The following TXN2 variants were observed in gnomAD, a reference collection of about 807,000 sequenced individuals.
TXN2 encodes the protein thioredoxin, mitochondrial.
In TXN2, 12 loss-of-function variants were observed where a neutral mutation model predicts 14.6. The ratio of observed to expected loss-of-function variants is 0.82; its 90% CI spans 0.53 to 1.33. The LOEUF (loss-of-function observed/expected upper bound fraction) is 1.33, where lower values mean the gene tolerates loss of function less well. TXN2 is among the 40% of genes most tolerant of loss of function. The pLI is 0.00. For missense variants in TXN2, 173 were observed against 207.7 expected (o/e 0.83, Z 1.03); for synonymous variants, 89 against 81.0 (o/e 1.10, Z -0.53).
chr22:36,467,773 G>A lies in TXN2; in HGVS notation c.*31C>T, dbSNP rs534656599. On this transcript the variant is annotated 3_prime_UTR_variant, in exon 4 of 4. Transcript: ENST00000216185. Reference sequence around the variant, plus strand: ...GCTGAGTTCTATTGGGGTCCCACGCGGGCAAGGGAACCAGGACTCATCCCT... The same window carrying A: ...GCTGAGTTCTATTGGGGTCCCACGCAGGCAAGGGAACCAGGACTCATCCCT... 8.7e-5 allele frequency: 136 copies of A among 1,571,166 alleles called. 1 individual carries two copies. The highest frequency in any genetic ancestry group is 1.1e-4 in the Non-Finnish European group (121 of 1,142,290).
At chr22:36,468,535 G>A in intron 3 of TXN2, 1 of 335,038 alleles carries the variant, frequency 3.0e-6, no homozygotes, top group South Asian at 2.2e-5. Context: ...ACCAGCTTGG[G>A]CAATATAGTG....
intron 2 of TXN2, 94 bp from the exon 3 acceptor site, chr22:36,476,950 T>C (rs1933399438): frequency 1.9e-6 from 3 of 1,568,298 alleles, no homozygotes; most frequent in Non-Finnish European, 2.6e-6. Context: ...AAGGAATCTT[T>C]TGCCCTTATT....
chr22:36,469,053 AATAAATAAATAAATAAATAC>A (rs1387789354), intron 3 of TXN2, among the ~76,000 whole-genome samples: 2 of 144,578 alleles, frequency 1.4e-5, no homozygotes, highest in African/African-American at 5.7e-5. Flanking sequence ...TAAATAAATA[AATAAATAAATAAATAAATAC>A]ATAAATAAAG....
chr22:36,480,566 A>G lies in TXN2; in HGVS notation c.263+9T>C. The G allele has an allele frequency of 6.2e-7, 1 of 1,612,042 alleles. No individual in the cohort carries two copies. Among genetic ancestry groups the G allele is most frequent in the Middle Eastern group, 1.8e-4 (1 of 5,406 alleles). On this transcript the variant is annotated intron_variant, in intron 2 of 3. Coordinates refer to ENST00000216185, the MANE Select transcript of TXN2 (RefSeq NM_012473.4). The stretch of plus-strand genomic sequence containing the variant: ...GGACCCTAGTCTTCTGTGGACCCCC[A>G]ATACTCACTGTGCGTGGAAATCCAC...
chr22:36,479,624 G>A (rs371445149), intron 2 of TXN2, among the ~76,000 whole-genome samples: 53 of 152,080 alleles, frequency 3.5e-4, no homozygotes, highest in African/African-American at 1.2e-3. Flanking sequence ...GAGCCACTGC[G>A]TCCGACCTGA....
At chr22:36,473,526 C>T (rs934568304) in intron 3 of TXN2, among the ~76,000 whole-genome samples, 2 of 152,072 alleles carry the variant, frequency 1.3e-5, no homozygotes, top group Non-Finnish European at 2.9e-5. Flanking sequence ...CTTCCTCAGG[C>T]TCTCTTCAGA....
intron 3 of TXN2, 152 bp from the exon 4 acceptor site, chr22:36,468,069 C>T (rs977737416): frequency 3.7e-5 from 25 of 678,090 alleles, no homozygotes; most frequent in Non-Finnish European, 2.8e-5. Flanking sequence ...GCTCTTCTCT[C>T]GGTGCAGGGG....
intron 3 of TXN2, among the ~76,000 whole-genome samples, chr22:36,472,114 C>T (rs1300845571): frequency 4.6e-5 from 7 of 152,106 alleles, no homozygotes; most frequent in Non-Finnish European, 7.3e-5. Context: ...AACGTGGGGA[C>T]GCATTAAAGG....
rs41283209 is a variant in TXN2 at position 36,467,673 on chromosome 22, C to G, written c.*131G>C. ...TCCGCCAGCTCGGAAGCACTCAGGG[C>G]TGGAGCCTGGGCTCTAAGCATGGGC... is the stretch of plus-strand genomic sequence containing the variant. On this transcript the variant is annotated 3_prime_UTR_variant, in exon 4 of 4. Coordinates refer to ENST00000216185, the MANE Select transcript of TXN2 (RefSeq NM_012473.4). The G allele has an allele frequency of 6.8e-3, 5,333 of 778,892 alleles. 37 individuals are homozygous for G. The highest frequency in any genetic ancestry group is 0.025 in the Middle Eastern group (68 of 2,758). The allele number at this position is 778,892 out of a possible 1,614,324, so 48.2% of individuals were successfully genotyped here.
Position 36,480,689 on chromosome 22 carries a change from C to T in TXN2, c.149G>A (p.Arg50Gln), listed in dbSNP as rs780339679. 26 of 1,613,964 alleles carry T rather than the reference C, an allele frequency of 1.6e-5. No homozygotes were observed. In the Admixed American group the frequency reaches 3.3e-4, roughly 21 times the overall value. Reference protein sequence around the residue: ...GGLTVTPNPARTIYTTRISLT... With the variant: ...GGLTVTPNPAQTIYTTRISLT... The stretch of plus-strand genomic sequence containing the variant: ...GGAGATCCTCGTGGTGTATATTGTC[C>T]GGGCTGGGTTGGGTGTTACAGTCAG... Residue 50 changes from arginine to glutamine, a missense_variant, in exon 2 of 4, where the codon CGG (arginine) becomes CAG (glutamine). Physicochemically the swap from Arg to Gln is conservative, Grantham distance 43 (BLOSUM62 1). Transcript: ENST00000216185.
intron 3 of TXN2, among the ~76,000 whole-genome samples, chr22:36,469,151 G>T (rs9622397): frequency 0.044 from 6,681 of 152,338 alleles, 335 homozygotes; most frequent in African/African-American, 0.12. Flanking sequence ...ACGCCCCTCA[G>T]TCACTAAGCC....
At position 36,481,588 on chromosome 22, in the gene TXN2, T is replaced by A; in HGVS notation, c.-25A>T. On this transcript the variant is annotated 5_prime_UTR_variant, in exon 1 of 4. Transcript: ENST00000216185. The stretch of plus-strand genomic sequence containing the variant: ...CCTCCCTGCAATGCGAGCGGAGGGA[T>A]GCACAGCCTAGCCCTCCCTGCCTGT... 1 of 999,814 alleles carries A rather than the reference T, an allele frequency of 1.0e-6. No homozygotes were observed. The highest frequency in any genetic ancestry group is 1.2e-6 in the Non-Finnish European group (1 of 829,998). The allele number at this position is 999,814 out of a possible 1,614,324, so 61.9% of individuals were successfully genotyped here.
intron 3 of TXN2, 70 bp from the exon 4 acceptor site, chr22:36,467,987 T>A: frequency 7.2e-7 from 1 of 1,379,578 alleles, no homozygotes; most frequent in Non-Finnish European, 1.0e-6. Context: ...CTCCTGAGCC[T>A]TTGTGGGGAA....
At chr22:36,472,512 T>C (rs763219623) in intron 3 of TXN2, among the ~76,000 whole-genome samples, 1 of 152,108 alleles carries the variant, frequency 6.6e-6, no homozygotes, top group African/African-American at 2.4e-5. Context: ...GTTGATAGTG[T>C]GGGAGGCTGG....
chr22:36,472,584 G>C (rs1457501283), intron 3 of TXN2, among the ~76,000 whole-genome samples: 2 of 152,036 alleles, frequency 1.3e-5, no homozygotes, highest in Non-Finnish European at 2.9e-5. Context: ...TCTCAATTTT[G>C]CCACGAACCT....
chr22:36,481,109 A>G, intron 1 of TXN2: 1 of 378,034 alleles, frequency 2.6e-6, no homozygotes, highest in Non-Finnish European at 4.8e-6. Context: ...GGAAGAAACC[A>G]ACAGATTTAA....
rs78711173 is a variant in TXN2 at position 36,477,590 on chromosome 22, A to G, written c.264-734T>C. ...GAGATCAACTAAGGCAATGTGGGTA[A>G]ACATGCATTGGAAGCTGTGGGGATA... On this transcript the variant is annotated intron_variant, in intron 2 of 3. Coordinates refer to ENST00000216185, the MANE Select transcript of TXN2 (RefSeq NM_012473.4). 4.8e-3 allele frequency among the ~76,000 whole-genome samples: 725 copies of G among 152,304 alleles called. 4 individuals carry two copies. Among genetic ancestry groups the G allele is most frequent in the African/African-American group, 0.017 (700 of 41,554 alleles).
At chr22:36,477,835 G>A (rs1215196063) in intron 2 of TXN2, among the ~76,000 whole-genome samples, 1 of 152,018 alleles carries the variant, frequency 6.6e-6, no homozygotes, top group Non-Finnish European at 1.5e-5. Context: ...ACCCAAAGCT[G>A]TGTTGAAAGT....
chr22:36,477,582 T>C (rs761406748), intron 2 of TXN2, among the ~76,000 whole-genome samples: 35 of 152,066 alleles, frequency 2.3e-4, no homozygotes, highest in Non-Finnish European at 4.7e-4. Context: ...ACTAAGGCAA[T>C]GTGGGTAAAC....
Sources: gnomAD v4.1 joint callset for allele counts (sites outside exome capture counted in the v4.1 genomes callset) on GRCh38, gnomAD v4.1.1 for gene constraint, MANE v1.5 for transcripts, NCBI Gene and HGNC (gene_info 2026-07-23, HGNC 2026-07-21) for gene names.